HAUS6: variants seen among roughly 807,000 people sequenced by gnomAD.
The protein encoded by HAUS6 is HAUS augmin like complex subunit 6, also known as HAUS augmin-like complex subunit 6.
In HAUS6, 80 loss-of-function variants were observed where a neutral mutation model predicts 106.8. The ratio of observed to expected loss-of-function variants is 0.75; its 90% CI spans 0.63 to 0.90. The LOEUF is 0.90. Ranked by LOEUF, HAUS6 falls within the 40% of genes least tolerant of loss-of-function variation. The pLI is 0.00. For missense variants in HAUS6, 1,155 were observed against 1,118.1 expected (o/e 1.03, Z -0.47); for synonymous variants, 356 against 379.1 (o/e 0.94, Z 0.71).
At chr9:19,056,851 T>G (rs982242592) in intron 16 of HAUS6, 1 of 158,396 alleles carries the variant, frequency 6.3e-6, no homozygotes, top group Non-Finnish European at 1.4e-5. Flanking sequence ...TCCTCCCATC[T>G]CGGACTCCCA....
intron 10 of HAUS6, 119 bp from the exon 11 acceptor site, chr9:19,076,823 A>C (rs1367925750): frequency 1.4e-4 from 86 of 610,920 alleles, no homozygotes; most frequent in Non-Finnish European, 1.6e-4. Flanking sequence ...ATTACCAAGA[A>C]TGTATCAGAT....
rs1461754202 is a variant in HAUS6 at position 19,056,121 on chromosome 9, A to C, written c.*222T>G. The C allele has an allele frequency of 7.6e-5, 32 of 420,300 alleles. No individual in the cohort carries two copies. The highest frequency in any genetic ancestry group is 1.2e-4 in the Non-Finnish European group (28 of 237,176). 26.0% of individuals were successfully genotyped at this position (420,300 alleles called of 1,614,324 possible). A position where few individuals can be genotyped will look rare whatever the true frequency, so the allele number is the denominator to read the frequency against. On this transcript the variant is annotated 3_prime_UTR_variant, in exon 17 of 17. Coordinates refer to ENST00000380502, the MANE Select transcript of HAUS6 (RefSeq NM_017645.5). ...CCCATTGCTTGACGTTTGTTGTCCA[A>C]ATACTTCACATTTCAATCTCATATA...
chr9:19,067,066 T>C lies in HAUS6; in HGVS notation c.1376+3153A>G, dbSNP rs1022652653. ...AAGACTACATATCTTTTGGTATCCA[T>C]GAATGACAACTGCATGTGATAGGGC... is the stretch of plus-strand genomic sequence containing the variant. On this transcript the variant is annotated intron_variant, in intron 12 of 16. Transcript: ENST00000380502. Among the ~76,000 whole-genome samples the C allele has an allele frequency of 7.9e-5, 12 of 151,996 alleles. No homozygotes were observed. In the East Asian group the frequency reaches 2.1e-3, roughly 27 times the overall value.
intron 12 of HAUS6, among the ~76,000 whole-genome samples, chr9:19,067,643 C>G (rs1836790366): frequency 6.6e-6 from 1 of 152,102 alleles, no homozygotes; most frequent in African/African-American, 2.4e-5. Context: ...GTTTCTGGCT[C>G]TTACAGAATT....
chr9:19,057,609 T>A (rs1836501524), intron 16 of HAUS6: 1 of 275,750 alleles, frequency 3.6e-6, no homozygotes, highest in Admixed American at 4.7e-5. Flanking sequence ...TATTACACCA[T>A]TATAGTGATG....
chr9:19,098,726 A>AT (rs1321818177), intron 1 of HAUS6, among the ~76,000 whole-genome samples: 5 of 47,784 alleles, frequency 1.0e-4, no homozygotes, highest in African/African-American at 1.7e-4. Flanking sequence ...TATGTTTAAC[A>AT]TTTAAAAAAA....
intron 13 of HAUS6, 139 bp downstream of exon 13, chr9:19,063,375 A>C: frequency 1.8e-6 from 1 of 562,516 alleles, no homozygotes; most frequent in African/African-American, 2.1e-5. Flanking sequence ...AAGGAATATA[A>C]GTAGATATGG....
chr9:19,090,130 G>A (rs1490877283), intron 4 of HAUS6, among the ~76,000 whole-genome samples: 28 of 151,876 alleles, frequency 1.8e-4, no homozygotes, highest in Non-Finnish European at 1.5e-5. Flanking sequence ...ACCACATTCA[G>A]CCTGACACAA....
chr9:19,084,151 G>C (rs367860278), intron 7 of HAUS6, among the ~76,000 whole-genome samples: 1 of 151,968 alleles, frequency 6.6e-6, no homozygotes, highest in East Asian at 1.9e-4. Flanking sequence ...GGGTACATTG[G>C]TGCTATATTC....
chr9:19,075,813 C>T (rs1564013054), intron 11 of HAUS6, among the ~76,000 whole-genome samples: 1 of 151,892 alleles, frequency 6.6e-6, no homozygotes, highest in African/African-American at 2.4e-5. Context: ...AAAAATTAGC[C>T]AGGTGTGGTG....
intron 9 of HAUS6, 82 bp from the exon 10 acceptor site, chr9:19,078,384 T>C (rs1319158806): frequency 5.1e-6 from 4 of 778,512 alleles, no homozygotes; most frequent in South Asian, 5.1e-5. Flanking sequence ...ACAATAGTTG[T>C]AGAGAAGTGG....
chr9:19,062,969 A>G, intron 14 of HAUS6, 39 bp downstream of exon 14: 1 of 1,447,082 alleles, frequency 6.9e-7, no homozygotes, highest in Non-Finnish European at 9.7e-7. Context: ...CCCATCCAAT[A>G]ACTGATATTT....
At chr9:19,061,814 G>C (rs1433118366) in intron 14 of HAUS6, among the ~76,000 whole-genome samples, 1 of 152,176 alleles carries the variant, frequency 6.6e-6, no homozygotes, top group Non-Finnish European at 1.5e-5. Context: ...CAGCTTGGGT[G>C]ACAGAACAAG....
chr9:19,097,645 T>A (rs1238749394), intron 1 of HAUS6, among the ~76,000 whole-genome samples: 1 of 152,128 alleles, frequency 6.6e-6, no homozygotes, highest in Non-Finnish European at 1.5e-5. Flanking sequence ...TTGAAATATG[T>A]CACCTCACCC....
At chr9:19,077,272 C>T (rs994507046) in intron 10 of HAUS6, among the ~76,000 whole-genome samples, 1 of 152,214 alleles carries the variant, frequency 6.6e-6, no homozygotes, top group African/African-American at 2.4e-5. Flanking sequence ...CAGTGGCTCA[C>T]GCCCATAATC....
At position 19,063,715 on chromosome 9, in the gene HAUS6, G is replaced by C. The variant is rs748055184; in HGVS notation, c.1377-135C>G. On this transcript the variant is annotated intron_variant, in intron 12 of 16. Coordinates refer to ENST00000380502, the MANE Select transcript of HAUS6 (RefSeq NM_017645.5). ...ACTCAATTCGTCCCGGTCATCAAAAGGCAGTTTATTCTAGGGAGGCATGGT... is the reference window on the plus strand; with the variant it reads ...ACTCAATTCGTCCCGGTCATCAAAACGCAGTTTATTCTAGGGAGGCATGGT... 16 of 781,830 alleles carry C rather than the reference G, an allele frequency of 2.0e-5. No individual in the cohort carries two copies. In the East Asian group the frequency reaches 4.0e-4, roughly 19 times the overall value. 48.4% of individuals were successfully genotyped at this position (781,830 alleles called of 1,614,324 possible). A position where few individuals can be genotyped will look rare whatever the true frequency, so the allele number is the denominator to read the frequency against.
Position 19,093,164 on chromosome 9 carries a change from A to C in HAUS6, c.436+7T>G. ...AAAACAAAAAATCTTTTATAAGTTG[A>C]ACTTACTTTTAGAATTGGATTTAAT... is the stretch of plus-strand genomic sequence containing the variant. On this transcript the variant is annotated splice_region_variant and intron_variant, in intron 4 of 16. Coordinates refer to ENST00000380502, the MANE Select transcript of HAUS6 (RefSeq NM_017645.5). 1 of 1,509,032 alleles carries C rather than the reference A, an allele frequency of 6.6e-7. No homozygotes were observed. The highest frequency in any genetic ancestry group is 2.3e-5 in the East Asian group (1 of 43,938). 93.5% of individuals were successfully genotyped at this position (1,509,032 alleles called of 1,614,324 possible).
chr9:19,082,022 A>C (rs1052406390), intron 8 of HAUS6, among the ~76,000 whole-genome samples: 9 of 152,222 alleles, frequency 5.9e-5, no homozygotes, highest in African/African-American at 2.2e-4. Flanking sequence ...CTATCCAGAT[A>C]ATGTCCCATA....
At chr9:19,090,690 T>A (rs1817726607) in intron 4 of HAUS6, among the ~76,000 whole-genome samples, 1 of 152,028 alleles carries the variant, frequency 6.6e-6, no homozygotes, top group South Asian at 2.1e-4. Flanking sequence ...AGGAAGAAAG[T>A]CAATATAAAA....
Sources: allele counts gnomAD v4.1 joint callset (sites outside exome capture counted in the v4.1 genomes callset), GRCh38; gene constraint gnomAD v4.1.1; transcripts MANE v1.5; gene names NCBI Gene and HGNC (gene_info 2026-07-23, HGNC 2026-07-21).